RPS6KC1: variants seen among roughly 807,000 people sequenced by gnomAD.
RPS6KC1 encodes ribosomal protein S6 kinase C1.
RPS6KC1 carries 54 observed loss-of-function variants against 103.8 expected under a neutral mutation model. The ratio of observed to expected loss-of-function variants is 0.52; its 90% CI spans 0.42 to 0.65. RPS6KC1 has a LOEUF of 0.65. Ranked by LOEUF, RPS6KC1 falls within the 30% of genes least tolerant of loss-of-function variation. The probability of loss-of-function intolerance (pLI) is 0.00; values close to 1 mark genes in which losing one functional copy is unlikely to be tolerated. For missense variants in RPS6KC1, 1,151 were observed against 1,253.8 expected (o/e 0.92, Z 1.24); for synonymous variants, 439 against 438.7 (o/e 1.00, Z -0.01).
chr1:213,263,915 T>C (rs951880891), intron 14 of RPS6KC1, among the ~76,000 whole-genome samples: 2 of 152,018 alleles, frequency 1.3e-5, no homozygotes, highest in African/African-American at 2.4e-5. Flanking sequence ...TGCTGGGCCT[T>C]AGGATTTCAG....
chr1:213,854,999 C>T, the RPS6KC1 span, among the ~76,000 whole-genome samples: 2 of 152,218 alleles, frequency 1.3e-5, no homozygotes, highest in African/African-American at 2.4e-5. Flanking sequence ...GGGCTCTCCT[C>T]CTGGCCGGCT....
the RPS6KC1 span, among the ~76,000 whole-genome samples, chr1:213,836,891 A>G: frequency 5.9e-5 from 9 of 152,218 alleles, no homozygotes; most frequent in African/African-American, 2.2e-4. Context: ...ACCAACCCCA[A>G]TCAGCAACCT....
At chr1:213,664,647 A>G in the RPS6KC1 span, among the ~76,000 whole-genome samples, 1 of 152,166 alleles carries the variant, frequency 6.6e-6, no homozygotes, top group South Asian at 2.1e-4. Flanking sequence ...CATATAGGCC[A>G]TAGGTTGCTG....
At chr1:213,058,001 C>T (rs1029897314) in intron 1 of RPS6KC1, among the ~76,000 whole-genome samples, 1 of 148,504 alleles carries the variant, frequency 6.7e-6, no homozygotes, top group African/African-American at 2.5e-5. Flanking sequence ...CTCCTGGTCT[C>T]AAGCAATCTG....
the RPS6KC1 span, among the ~76,000 whole-genome samples, chr1:213,703,790 A>G: frequency 1.2e-4 from 18 of 151,970 alleles, no homozygotes; most frequent in Non-Finnish European, 5.9e-5. Context: ...TGATTACTTA[A>G]TACTTTGAGA....
Position 213,188,932 on chromosome 1 carries a change from G to T in RPS6KC1, c.1044+12440G>T, listed in dbSNP as rs117572161. 9.2e-3 allele frequency among the ~76,000 whole-genome samples: 1,396 copies of T among 152,018 alleles called. 43 individuals carry two copies. The highest frequency in any genetic ancestry group is 0.07 in the East Asian group (362 of 5,156). On this transcript the variant is annotated intron_variant, in intron 8 of 14. Coordinates refer to ENST00000366960, the MANE Select transcript of RPS6KC1 (RefSeq NM_012424.6). ...TAGCTAAAATAGTTTTCAAAAAAGA[G>T]TAAGGTGGGAGAGTCACTCTGTTTG...
the RPS6KC1 span, among the ~76,000 whole-genome samples, chr1:213,413,038 A>G: frequency 1.3e-5 from 2 of 152,192 alleles, no homozygotes; most frequent in African/African-American, 4.8e-5. Context: ...TTTTCTCAAG[A>G]ATGTCTGTCT....
Position 213,160,993 on chromosome 1 carries a change from A to G in RPS6KC1, c.836-6865A>G, listed in dbSNP as rs553986739. The stretch of plus-strand genomic sequence containing the variant: ...GCACATGTACCCTAGAACTTAAAGT[A>G]TAATAAAAAAAATAGTGGTGGCAAG... On this transcript the variant is annotated intron_variant, in intron 6 of 14. Transcript: ENST00000366960. Among the ~76,000 whole-genome samples, 493 of 151,686 alleles carry G rather than the reference A, an allele frequency of 3.3e-3. 2 individuals carry two copies. The highest frequency in any genetic ancestry group is 4.5e-3 in the Non-Finnish European group (306 of 67,896).
At chr1:213,822,939 C>A in the RPS6KC1 span, among the ~76,000 whole-genome samples, 1 of 152,254 alleles carries the variant, frequency 6.6e-6, no homozygotes, top group African/African-American at 2.4e-5. Flanking sequence ...CACTCTGAAG[C>A]ATACATCATA....
the RPS6KC1 span, among the ~76,000 whole-genome samples, chr1:213,470,971 C>A: frequency 6.6e-6 from 1 of 152,146 alleles, no homozygotes; most frequent in Non-Finnish European, 1.5e-5. Context: ...ACTATTGGTT[C>A]ATACAGAAAA....
the RPS6KC1 span, among the ~76,000 whole-genome samples, chr1:213,767,387 G>T: frequency 6.6e-6 from 1 of 152,022 alleles, no homozygotes; most frequent in Admixed American, 6.5e-5. Context: ...TATATATATA[G>T]CCACATTTCC....
chr1:213,310,026 A>G, the RPS6KC1 span, among the ~76,000 whole-genome samples: 1 of 151,866 alleles, frequency 6.6e-6, no homozygotes, highest in African/African-American at 2.4e-5. Context: ...CTATAAGCAA[A>G]TCCTGGTGGC....
At chr1:213,681,364 CA>C in the RPS6KC1 span, among the ~76,000 whole-genome samples, 4 of 152,220 alleles carry the variant, frequency 2.6e-5, 1 homozygote, top group African/African-American at 9.6e-5. Context: ...TTGATTATTG[CA>C]TTTGAAAACC....
chr1:213,799,940 G>A, the RPS6KC1 span, among the ~76,000 whole-genome samples: 1 of 152,108 alleles, frequency 6.6e-6, no homozygotes, highest in Non-Finnish European at 1.5e-5. Flanking sequence ...AGGCCATGGT[G>A]AGCATGCTCT....
chr1:213,741,224 A>G, the RPS6KC1 span, among the ~76,000 whole-genome samples: 15 of 151,964 alleles, frequency 9.9e-5, no homozygotes, highest in East Asian at 2.9e-3. Context: ...TATATTCATC[A>G]CTTCACATAC....
the RPS6KC1 span, among the ~76,000 whole-genome samples, chr1:213,475,955 T>G: frequency 6.6e-6 from 1 of 152,226 alleles, no homozygotes; most frequent in African/African-American, 2.4e-5. Flanking sequence ...ATATTCCCCA[T>G]TGCAGTGGAG....
chr1:213,670,085 G>C, the RPS6KC1 span, among the ~76,000 whole-genome samples: 1 of 152,208 alleles, frequency 6.6e-6, no homozygotes, highest in African/African-American at 2.4e-5. Flanking sequence ...GCAAAATGAA[G>C]CAGGTATTAT....
chr1:213,679,090 A>G, the RPS6KC1 span, among the ~76,000 whole-genome samples: 1 of 152,196 alleles, frequency 6.6e-6, no homozygotes, highest in African/African-American at 2.4e-5. Flanking sequence ...TCAGTTCAAG[A>G]CAGATAACTG....
chr1:213,571,481 G>A, the RPS6KC1 span, among the ~76,000 whole-genome samples: 5 of 152,168 alleles, frequency 3.3e-5, no homozygotes, highest in Non-Finnish European at 7.4e-5. Context: ...TCTGGGTCAA[G>A]CACATGGCAT....
Sources: allele counts gnomAD v4.1 joint callset (sites outside exome capture counted in the v4.1 genomes callset), GRCh38; gene constraint gnomAD v4.1.1; transcripts MANE v1.5; gene names NCBI Gene and HGNC (gene_info 2026-07-23, HGNC 2026-07-21).